PRLR: variants seen among roughly 807,000 people sequenced by gnomAD.
The protein encoded by PRLR is hPRL receptor.
In PRLR, 13 loss-of-function variants were observed where a neutral mutation model predicts 40.2. The observed-to-expected ratio is 0.32, with a 90% CI of 0.21 to 0.51. The LOEUF (loss-of-function observed/expected upper bound fraction) is 0.51, where lower values mean the gene tolerates loss of function less well. Ranked by LOEUF, PRLR falls within the 20% of genes least tolerant of loss-of-function variation. The pLI is 0.97. For missense variants in PRLR, 656 were observed against 747.3 expected, an observed-to-expected ratio of 0.88 and a Z score of 1.42; for synonymous variants, 269 against 278.7, an observed-to-expected ratio of 0.97 and a Z score of 0.35.
At chr5:35,049,032 C>A (rs1469711601) in exon 9 of PRLR, 19 of 555,322 alleles carry the variant, frequency 3.4e-5, no homozygotes, top group South Asian at 2.8e-4. Context: ...GGTGAAGGCA[C>A]TAGGTAAGCA....
At chr5:35,134,600 G>A (rs77212071) in intron 1 of PRLR, among the ~76,000 whole-genome samples, 1,853 of 152,294 alleles carry the variant, frequency 0.012, 13 homozygotes, top group Middle Eastern at 0.024. Flanking sequence ...GCAACTACCC[G>A]GCTGGTTGCC....
At chr5:35,225,364 A>C (rs976714899) in intron 1 of PRLR, among the ~76,000 whole-genome samples, 3 of 152,066 alleles carry the variant, frequency 2.0e-5, no homozygotes, top group Non-Finnish European at 4.4e-5. Flanking sequence ...AGGAAGAGGG[A>C]CCTCTTTTCT....
chr5:35,165,356 G>A (rs546838138), intron 1 of PRLR, among the ~76,000 whole-genome samples: 20 of 152,288 alleles, frequency 1.3e-4, no homozygotes, highest in African/African-American at 3.6e-4. Context: ...GTTCTTTACC[G>A]AATGGCTCAC....
At chr5:35,209,792 T>C (rs1430690725) in intron 1 of PRLR, among the ~76,000 whole-genome samples, 2 of 152,338 alleles carry the variant, frequency 1.3e-5, no homozygotes, top group East Asian at 3.9e-4. Flanking sequence ...TAGCCTATAA[T>C]CTAAAAAGCA....
At chr5:35,085,951 C>G (rs1770821674) in intron 4 of PRLR, among the ~76,000 whole-genome samples, 1 of 151,938 alleles carries the variant, frequency 6.6e-6, no homozygotes, top group Non-Finnish European at 1.5e-5. Context: ...GGTGGATGCT[C>G]AGAAATGCCA....
intron 2 of PRLR, among the ~76,000 whole-genome samples, chr5:35,100,225 T>G (rs941834384): frequency 2.6e-5 from 4 of 151,310 alleles, no homozygotes; most frequent in Middle Eastern, 3.4e-3. Flanking sequence ...TTAAGAAAGT[T>G]TATAAAGTTA....
intron 1 of PRLR, among the ~76,000 whole-genome samples, chr5:35,161,820 A>C (rs898611563): frequency 6.6e-5 from 10 of 152,240 alleles, no homozygotes; most frequent in African/African-American, 2.4e-4. Context: ...GCCCAGATAC[A>C]CGTTGGAAAA....
chr5:35,145,393 A>G (rs1482860076), intron 1 of PRLR, among the ~76,000 whole-genome samples: 1 of 152,168 alleles, frequency 6.6e-6, no homozygotes, highest in African/African-American at 2.4e-5. Flanking sequence ...CTGCACACCA[A>G]ATGACTTCTT....
intron 1 of PRLR, among the ~76,000 whole-genome samples, chr5:35,155,755 T>C (rs1400264892): frequency 1.3e-5 from 2 of 152,214 alleles, no homozygotes; most frequent in African/African-American, 2.4e-5. Context: ...GCTTATTCCA[T>C]TGCAACATGG....
At chr5:35,227,619 T>A (rs1776584565) in intron 1 of PRLR, among the ~76,000 whole-genome samples, 1 of 152,258 alleles carries the variant, frequency 6.6e-6, no homozygotes, top group Non-Finnish European at 1.5e-5. Flanking sequence ...GATCTTTGGC[T>A]ACTCTGTGGA....
At chr5:35,146,609 T>G (rs1005032907) in intron 1 of PRLR, among the ~76,000 whole-genome samples, 4 of 152,202 alleles carry the variant, frequency 2.6e-5, no homozygotes, top group African/African-American at 9.6e-5. Context: ...AGGAACACAA[T>G]GGGGCACCCC....
At chr5:35,102,104 A>G (rs2111556326) in intron 2 of PRLR, among the ~76,000 whole-genome samples, 1 of 152,270 alleles carries the variant, frequency 6.6e-6, no homozygotes, top group African/African-American at 2.4e-5. Flanking sequence ...CCGTGATTAC[A>G]GACGTGAGCC....
downstream of PRLR, among the ~76,000 whole-genome samples, chr5:35,054,803 T>C (rs560200823): frequency 2.6e-5 from 4 of 152,312 alleles, no homozygotes; most frequent in Admixed American, 1.3e-4. Context: ...AACTCATAAA[T>C]ACCAAAGTAA....
chr5:35,116,355 G>A (rs33997221), intron 2 of PRLR, among the ~76,000 whole-genome samples: 35,818 of 152,104 alleles, frequency 0.24, 7,770 homozygotes, highest in African/African-American at 0.58. Context: ...ACTCTTTAGA[G>A]TGGTGACCTG....
intron 1 of PRLR, among the ~76,000 whole-genome samples, chr5:35,141,505 A>G (rs561442580): frequency 9.2e-5 from 14 of 152,328 alleles, no homozygotes; most frequent in African/African-American, 3.1e-4. Context: ...TAGTTTGTCC[A>G]AAATCCCACA....
intron 1 of PRLR, among the ~76,000 whole-genome samples, chr5:35,166,574 A>G (rs1774839580): frequency 6.6e-6 from 1 of 152,146 alleles, no homozygotes; most frequent in Non-Finnish European, 1.5e-5. Flanking sequence ...GATTTTGCCA[A>G]TATCTTGGAA....
intron 1 of PRLR, among the ~76,000 whole-genome samples, chr5:35,137,590 G>A (rs573021429): frequency 6.6e-6 from 1 of 152,294 alleles, no homozygotes; most frequent in East Asian, 1.9e-4. Context: ...CAAGGATATG[G>A]TTATCTGATT....
chr5:35,054,376 C>T (rs1019022663), downstream of PRLR, among the ~76,000 whole-genome samples: 1 of 152,082 alleles, frequency 6.6e-6, no homozygotes, highest in Non-Finnish European at 1.5e-5. Flanking sequence ...ATTGCATAGT[C>T]ATTTATGGCA....
At chr5:35,071,899 CT>C (rs560918362) in intron 6 of PRLR, among the ~76,000 whole-genome samples, 128 of 143,734 alleles carry the variant, frequency 8.9e-4, no homozygotes, top group Middle Eastern at 7.4e-3. Context: ...TGAGCCCAGC[CT>C]TTTTTTTTTT....
Sources: gnomAD v4.1 joint callset for allele counts (sites outside exome capture counted in the v4.1 genomes callset) on GRCh38, gnomAD v4.1.1 for gene constraint, MANE v1.5 for transcripts, NCBI Gene and HGNC (gene_info 2026-07-23, HGNC 2026-07-21) for gene names.